Variants in FRMPD4 observed in about 807,000 individuals in gnomAD.
FRMPD4 encodes FERM and PDZ domain-containing protein 4.
Under a neutral mutation model 94.1 loss-of-function variants are expected in FRMPD4, and 22 were observed. That is an observed-to-expected ratio of 0.23 (90% CI 0.17 to 0.33). The LOEUF is 0.33. FRMPD4 is among the 10% of genes least tolerant of loss of function. FRMPD4 has a pLI of 1.00. For missense variants in FRMPD4, 1,111 were observed against 1,339.9 expected (o/e 0.83, Z 2.67); for synonymous variants, 631 against 548.6 (o/e 1.15, Z -2.10).
At chrX:12,076,932 T>G (rs1049868303) in intron 3 of FRMPD4, among the ~76,000 whole-genome samples, 1 of 112,130 alleles carries the variant, frequency 8.9e-6, no homozygotes, top group Non-Finnish European at 1.9e-5. Flanking sequence ...CAAGTTTGTA[T>G]TATTTTAATA....
intron 3 of FRMPD4, among the ~76,000 whole-genome samples, chrX:11,996,162 C>T (rs1234467320): frequency 9.0e-6 from 1 of 111,362 alleles, no homozygotes; most frequent in Non-Finnish European, 1.9e-5. Flanking sequence ...AATATAATTC[C>T]ATTAGGTAGT....
At chrX:12,477,549 C>G (rs2057619181) in intron 1 of FRMPD4, among the ~76,000 whole-genome samples, 1 of 112,518 alleles carries the variant, frequency 8.9e-6, no homozygotes, top group African/African-American at 3.2e-5. Flanking sequence ...AGACATCGGT[C>G]TTTTCAGCTG....
chrX:12,089,762 A>G (rs908764014), intron 3 of FRMPD4, among the ~76,000 whole-genome samples: 46 of 112,247 alleles, frequency 4.1e-4, no homozygotes, highest in African/African-American at 1.5e-3. Flanking sequence ...AGTGTCAACC[A>G]ATGAAGTTTT....
upstream of FRMPD4, among the ~76,000 whole-genome samples, chrX:12,136,297 C>G (rs1359761582): frequency 1.9e-5 from 2 of 106,542 alleles, no homozygotes; most frequent in African/African-American, 6.9e-5. Flanking sequence ...GATCCCAGCC[C>G]TTGTGGAGCT....
intron 2 of FRMPD4, among the ~76,000 whole-genome samples, chrX:12,589,686 T>C: frequency 8.9e-6 from 1 of 112,045 alleles, no homozygotes; most frequent in Non-Finnish European, 1.9e-5. Context: ...TTTCCATGCT[T>C]AATTTGCTGC....
At chrX:12,016,846 CAG>C (rs1378466400) in intron 3 of FRMPD4, among the ~76,000 whole-genome samples, 3 of 111,742 alleles carry the variant, frequency 2.7e-5, no homozygotes, top group African/African-American at 9.8e-5. Flanking sequence ...CCTGTCCACA[CAG>C]GGGAAAAGCT....
intron 5 of FRMPD4, among the ~76,000 whole-genome samples, chrX:12,680,459 G>A (rs889467492): frequency 1.9e-4 from 21 of 112,139 alleles, no homozygotes; most frequent in Middle Eastern, 4.2e-3. Flanking sequence ...TATAACACAA[G>A]TAACTCTAGC....
Position 12,328,148 on chromosome X carries a change from T to A in FRMPD4, c.42-170532T>A, listed in dbSNP as rs767255458. ...CACAAAGAACAGTCATATTACCAAC[T>A]CTGACTTGGGATGAGCCAGTTATAG... On this transcript the variant is annotated intron_variant, in intron 1 of 16. Transcript: ENST00000675598. 4.5e-5 allele frequency among the ~76,000 whole-genome samples: 5 copies of A among 112,050 alleles called. No homozygotes were observed. In the East Asian group the frequency reaches 1.4e-3, roughly 31 times the overall value.
intron 3 of FRMPD4, among the ~76,000 whole-genome samples, chrX:12,003,802 C>T (rs2054536595): frequency 8.9e-6 from 1 of 112,370 alleles, no homozygotes; most frequent in African/African-American, 3.2e-5. Context: ...AAAATAAATT[C>T]ATCCACCCAA....
At chrX:12,665,674 T>C (rs916345224) in intron 4 of FRMPD4, among the ~76,000 whole-genome samples, 9 of 112,056 alleles carry the variant, frequency 8.0e-5, no homozygotes, top group African/African-American at 2.9e-4. Flanking sequence ...CCAGCCACAC[T>C]AAGCTTCATA....
intron 1 of FRMPD4, among the ~76,000 whole-genome samples, chrX:12,348,340 A>G (rs1358073453): frequency 3.0e-5 from 3 of 100,032 alleles, no homozygotes; most frequent in African/African-American, 4.0e-5. Flanking sequence ...AAACTCTCAG[A>G]GAAGCATTCA....
intron 1 of FRMPD4, among the ~76,000 whole-genome samples, chrX:12,472,803 T>C (rs2057531572): frequency 9.1e-6 from 1 of 110,079 alleles, no homozygotes; most frequent in South Asian, 3.8e-4. Context: ...CCAAGAAATA[T>C]GGGACTATGT....
intron 3 of FRMPD4, among the ~76,000 whole-genome samples, chrX:11,971,533 TTTCATTTTA>T (rs1362004853): frequency 2.7e-5 from 3 of 113,049 alleles, no homozygotes; most frequent in Admixed American, 9.3e-5. Flanking sequence ...CAATAAATGC[TTTCATTTTA>T]ATGAATAAAT....
At chrX:11,841,554 C>A (rs771135446) in intron 1 of FRMPD4, among the ~76,000 whole-genome samples, 78 of 109,875 alleles carry the variant, frequency 7.1e-4, no homozygotes, top group African/African-American at 2.0e-3. Context: ...TCTTTTGAGA[C>A]GTGTCTGTTC....
chrX:12,258,979 C>G (rs929778289), intron 1 of FRMPD4, among the ~76,000 whole-genome samples: 11 of 112,120 alleles, frequency 9.8e-5, no homozygotes, highest in African/African-American at 3.6e-4. Context: ...TTCCTATCCT[C>G]TGGTAATCAC....
intron 1 of FRMPD4, among the ~76,000 whole-genome samples, chrX:12,435,559 CA>C (rs1169804053): frequency 3.5e-5 from 3 of 85,483 alleles, no homozygotes; most frequent in African/African-American, 7.2e-5. Context: ...CTTACTATAA[CA>C]TTTTTTTTTA....
chrX:12,440,778 A>G (rs2057126565), intron 1 of FRMPD4, among the ~76,000 whole-genome samples: 1 of 110,495 alleles, frequency 9.1e-6, no homozygotes, highest in Non-Finnish European at 1.9e-5. Context: ...TGTATGCACT[A>G]TAGTGCCCTA....
chrX:11,907,150 C>T (rs1225746937), intron 3 of FRMPD4, among the ~76,000 whole-genome samples: 1 of 110,009 alleles, frequency 9.1e-6, no homozygotes, highest in Non-Finnish European at 1.9e-5. Context: ...TTTCCAACTT[C>T]TTAAGTTATT....
At chrX:12,446,760 T>G (rs977235340) in intron 1 of FRMPD4, among the ~76,000 whole-genome samples, 1 of 111,973 alleles carries the variant, frequency 8.9e-6, no homozygotes, top group African/African-American at 3.2e-5. Context: ...AAACCTCCTT[T>G]TGTCTACACA....
Sources: gnomAD v4.1 joint callset for allele counts (sites outside exome capture counted in the v4.1 genomes callset) on GRCh38, gnomAD v4.1.1 for gene constraint, MANE v1.5 for transcripts, NCBI Gene and HGNC (gene_info 2026-07-23, HGNC 2026-07-21) for gene names.